Variants in ARIH1 observed in about 807,000 individuals in gnomAD.
The protein encoded by ARIH1 is E3 ubiquitin-protein ligase ARIH1.
A neutral mutation model predicts 85.0 loss-of-function variants in ARIH1; 8 were observed. That is an observed-to-expected ratio of 0.09 (90% CI 0.06 to 0.17). The LOEUF is 0.17. Among genes scored for constraint, ARIH1 ranks in the 10% least tolerant of loss-of-function variants. The probability of loss-of-function intolerance (pLI) is 1.00; values close to 1 mark genes in which losing one functional copy is unlikely to be tolerated. For missense variants in ARIH1, 311 were observed against 718.1 expected, an observed-to-expected ratio of 0.43 and a Z score of 6.48; for synonymous variants, 238 against 253.6, an observed-to-expected ratio of 0.94 and a Z score of 0.59.
chr15:72,481,614 A>G (rs914734576), intron 1 of ARIH1, among the ~76,000 whole-genome samples: 3 of 151,850 alleles, frequency 2.0e-5, no homozygotes, highest in Non-Finnish European at 4.4e-5. Context: ...TGAACCTGGG[A>G]ATTGGAGGTT....
intron 2 of ARIH1, among the ~76,000 whole-genome samples, chr15:72,538,244 T>C (rs947602755): frequency 7.2e-5 from 11 of 152,118 alleles, no homozygotes; most frequent in African/African-American, 2.7e-4. Context: ...CACACATCCG[T>C]AATCCGCTAC....
At chr15:72,493,438 C>T (rs1306342266) in intron 1 of ARIH1, among the ~76,000 whole-genome samples, 1 of 152,116 alleles carries the variant, frequency 6.6e-6, no homozygotes, top group Non-Finnish European at 1.5e-5. Context: ...CACATGTGCA[C>T]CCTGCTCAAT....
intron 2 of ARIH1, among the ~76,000 whole-genome samples, chr15:72,521,330 A>G (rs1349947820): frequency 6.6e-6 from 1 of 151,692 alleles, no homozygotes; most frequent in Non-Finnish European, 1.5e-5. Context: ...AAGTCCTATA[A>G]TAGAAACTCT....
Position 72,484,275 on chromosome 15 carries a change from T to C in ARIH1, c.375+9261T>C, listed in dbSNP as rs371249315. ...CACATATTCTTTTTTCCAAAAAATTTTATTTCCCTAGGTTATTGGGGAAGA... is the reference window on the plus strand; with the variant it reads ...CACATATTCTTTTTTCCAAAAAATTCTATTTCCCTAGGTTATTGGGGAAGA... On this transcript the variant is annotated intron_variant, in intron 1 of 13. Coordinates refer to ENST00000379887, the MANE Select transcript of ARIH1 (RefSeq NM_005744.5). Among the ~76,000 whole-genome samples, 24 of 152,238 alleles carry C rather than the reference T, an allele frequency of 1.6e-4. No homozygotes were observed. The South Asian group carries it at 5.0e-3, about 32-fold the overall frequency.
intron 3 of ARIH1, among the ~76,000 whole-genome samples, chr15:72,550,306 A>T (rs907204252): frequency 2.0e-5 from 3 of 152,224 alleles, no homozygotes; most frequent in Non-Finnish European, 2.9e-5. Flanking sequence ...AATGAGCTCT[A>T]GACTAGAAGT....
At chr15:72,477,562 T>A (rs1408688871) in intron 1 of ARIH1, among the ~76,000 whole-genome samples, 1 of 152,062 alleles carries the variant, frequency 6.6e-6, no homozygotes, top group Admixed American at 6.6e-5. Flanking sequence ...GGGAGAGGAG[T>A]TCTGGGCAAC....
chr15:72,475,068 G>A, intron 1 of ARIH1, 54 bp downstream of exon 1: 1 of 1,542,116 alleles, frequency 6.5e-7, no homozygotes, highest in Non-Finnish European at 8.8e-7. Context: ...AGCGGATTCA[G>A]GCGGCACGCG....
At chr15:72,541,964 G>A (rs2064109346) in intron 2 of ARIH1, among the ~76,000 whole-genome samples, 1 of 152,200 alleles carries the variant, frequency 6.6e-6, no homozygotes, top group Non-Finnish European at 1.5e-5. Context: ...GTGGAAGTGA[G>A]GAGCTGTCAG....
chr15:72,494,460 G>A (rs2063871760), intron 1 of ARIH1, among the ~76,000 whole-genome samples: 1 of 152,172 alleles, frequency 6.6e-6, no homozygotes, highest in Admixed American at 6.5e-5. Flanking sequence ...GGAAGAAGTT[G>A]TGGTATGTTG....
intron 2 of ARIH1, among the ~76,000 whole-genome samples, chr15:72,531,703 C>G (rs2064057936): frequency 6.6e-6 from 1 of 152,152 alleles, no homozygotes; most frequent in Non-Finnish European, 1.5e-5. Flanking sequence ...GAGCACAGCT[C>G]AACAGCAACA....
In ARIH1 at chr15:72,585,933, C is replaced by T. The variant is rs1004432252; in HGVS notation, c.*2641C>T. The stretch of plus-strand genomic sequence containing the variant: ...ATCTGAGGGATCTATTCACAGTAAG[C>T]ACCAAGGTCTCCATGTCTTGAGGTC... On this transcript the variant is annotated 3_prime_UTR_variant, in exon 14 of 14. Coordinates refer to ENST00000379887, the MANE Select transcript of ARIH1 (RefSeq NM_005744.5). 4.6e-5 allele frequency: 7 copies of T among 152,188 alleles called. No individual in the cohort carries two copies. The highest frequency in any genetic ancestry group is 2.0e-4 in the Admixed American group (3 of 15,268). The allele number at this position is 152,188 out of a possible 1,614,324, so 9.4% of individuals were successfully genotyped here.
chr15:72,554,704 A>G (rs2064167586), intron 3 of ARIH1, among the ~76,000 whole-genome samples: 1 of 152,030 alleles, frequency 6.6e-6, no homozygotes, highest in South Asian at 2.1e-4. Flanking sequence ...TCTTTTTATT[A>G]TAGCTGTTCT....
At chr15:72,494,035 G>T (rs1442866365) in intron 1 of ARIH1, among the ~76,000 whole-genome samples, 1 of 152,036 alleles carries the variant, frequency 6.6e-6, no homozygotes, top group Non-Finnish European at 1.5e-5. Flanking sequence ...TCTCATAAAT[G>T]CAGAACCCTT....
rs2064351353 is a variant in ARIH1, at chr15:72,593,599, T to G, written c.*10307T>G. On this transcript the variant is annotated 3_prime_UTR_variant, in exon 14 of 14. Transcript: ENST00000379887. ...ACTTTTCTTTACCCATTAGATTGAC[T>G]TGGTAGCTTGGTTAAAAATTGATCA... is the stretch of plus-strand genomic sequence containing the variant. 1 of 152,222 alleles carries G rather than the reference T, an allele frequency of 6.6e-6. No individual in the cohort carries two copies. Among genetic ancestry groups the G allele is most frequent in the Non-Finnish European group, 1.5e-5 (1 of 68,034 alleles). The allele number at this position is 152,222 out of a possible 1,614,324, so 9.4% of individuals were successfully genotyped here.
Position 72,499,832 on chromosome 15 carries a change from C to T in ARIH1, c.376-18235C>T, listed in dbSNP as rs988073178. ...GCATCATTCTCCTGTGTTGGAGCCT[C>T]TGATTCTTAGATACATGTCTTTTTC... is the stretch of plus-strand genomic sequence containing the variant. On this transcript the variant is annotated intron_variant, in intron 1 of 13. Coordinates refer to ENST00000379887, the MANE Select transcript of ARIH1 (RefSeq NM_005744.5). 5.3e-5 allele frequency among the ~76,000 whole-genome samples: 8 copies of T among 152,320 alleles called. No homozygotes were observed. In the South Asian group the frequency reaches 1.2e-3, roughly 24 times the overall value.
At chr15:72,570,692 A>G (rs1438071224) in intron 10 of ARIH1, among the ~76,000 whole-genome samples, 4 of 152,182 alleles carry the variant, frequency 2.6e-5, no homozygotes, top group African/African-American at 9.7e-5. Context: ...GCAAAACCCA[A>G]CCTGCAGGTG....
chr15:72,579,906 A>G (rs796434352), intron 11 of ARIH1, among the ~76,000 whole-genome samples: 6 of 152,308 alleles, frequency 3.9e-5, no homozygotes, highest in African/African-American at 1.4e-4. Context: ...AAATCAAACT[A>G]ATTGTTGTAT....
At chr15:72,559,192 T>C (rs1297795407) in intron 5 of ARIH1, among the ~76,000 whole-genome samples, 1 of 152,196 alleles carries the variant, frequency 6.6e-6, no homozygotes, top group Non-Finnish European at 1.5e-5. Context: ...GATCCCTGTT[T>C]GGTTGAAAAA....
chr15:72,480,104 C>T (rs1024349921), intron 1 of ARIH1, among the ~76,000 whole-genome samples: 10 of 151,890 alleles, frequency 6.6e-5, no homozygotes, highest in Admixed American at 2.6e-4. Flanking sequence ...CTCCTGACCT[C>T]GTGATCCGCC....
Sources: gnomAD v4.1 joint callset for allele counts (sites outside exome capture counted in the v4.1 genomes callset) on GRCh38, gnomAD v4.1.1 for gene constraint, MANE v1.5 for transcripts, NCBI Gene and HGNC (gene_info 2026-07-23, HGNC 2026-07-21) for gene names.